VEZT: variants seen among roughly 807,000 people sequenced by gnomAD.
VEZT encodes the protein vezatin.
A neutral mutation model predicts 79.9 loss-of-function variants in VEZT; 39 were observed. That is an observed-to-expected ratio of 0.49 (90% CI 0.38 to 0.64). The LOEUF is 0.64. VEZT is among the 30% of genes least tolerant of loss of function. The pLI is 0.00. For missense variants in VEZT, 837 were observed against 893.1 expected, an observed-to-expected ratio of 0.94 and a Z score of 0.80; for synonymous variants, 325 against 327.6, an observed-to-expected ratio of 0.99 and a Z score of 0.09.
In VEZT at chr12:95,300,622, G is replaced by T; in HGVS notation, c.2289G>T (p.Glu763Asp). The T allele has an allele frequency of 6.2e-7, 1 of 1,603,236 alleles. No individual in the cohort carries two copies. Among genetic ancestry groups the T allele is most frequent in the Non-Finnish European group, 8.5e-7 (1 of 1,173,744 alleles). The part of the protein sequence containing the change: ...TTMQEQTFGG[E>D]EEEQIIEENK... ...TGCAGGAACAGACTTTTGGTGGTGA[G>T]GAGGAAGAACAAATAATAGAAGAAA... The change falls in exon 12 of 12, where the codon GAG becomes GAT. Residue 763 changes from glutamate (E) to aspartate (D), a missense_variant. Coordinates refer to ENST00000436874, the MANE Select transcript of VEZT (RefSeq NM_017599.4).
At chr12:95,237,567 A>G (rs892651058) in intron 1 of VEZT, among the ~76,000 whole-genome samples, 3 of 152,214 alleles carry the variant, frequency 2.0e-5, no homozygotes, top group Non-Finnish European at 1.5e-5. Flanking sequence ...ATCAAGGGCC[A>G]TTACCAAACA....
intron 3 of VEZT, among the ~76,000 whole-genome samples, chr12:95,261,880 G>A (rs1162337831): frequency 2.0e-5 from 3 of 152,196 alleles, no homozygotes; most frequent in Admixed American, 2.0e-4. Context: ...AGAGGAGGAT[G>A]ATAAGGTACA....
Position 95,217,864 on chromosome 12 carries a change from T to C in VEZT, c.14T>C (p.Phe5Ser). 1.3e-6 allele frequency: 2 copies of C among 1,531,504 alleles called. No homozygotes were observed. Among genetic ancestry groups the C allele is most frequent in the Non-Finnish European group, 1.7e-6 (2 of 1,144,794 alleles). 94.9% of individuals were successfully genotyped at this position (1,531,504 alleles called of 1,614,324 possible). Residue 5 changes from phenylalanine (F) to serine (S), a missense_variant, in exon 1 of 12, where the codon TTT becomes TCT. By Grantham distance (155) the Phe-to-Ser change is radical. Transcript: ENST00000436874. Reference sequence around the variant, plus strand: ...TGGCGGAGAAGGATGACACCGGAGTTTGACGAAGAGGTGGTTTTTGAGGTA... The same window carrying C: ...TGGCGGAGAAGGATGACACCGGAGTCTGACGAAGAGGTGGTTTTTGAGGTA... The part of the protein sequence containing the change: MTPE[F>S]DEEVVFENSP...
chr12:95,254,792 T>C (rs911516043), intron 2 of VEZT, among the ~76,000 whole-genome samples: 2 of 152,270 alleles, frequency 1.3e-5, no homozygotes, highest in African/African-American at 4.8e-5. Context: ...GCTGTTTTTC[T>C]ATGAGTTCTT....
In VEZT at chr12:95,226,098, TAAAA is replaced by T. The variant is rs11309269; in HGVS notation, c.36+8227_36+8230del. Among the ~76,000 whole-genome samples the T allele has an allele frequency of 1.3e-3, 174 of 137,580 alleles. 3 individuals carry two copies. The South Asian group carries it at 0.039, about 31-fold the overall frequency. 90.3% of individuals were successfully genotyped at this position (137,580 alleles called of 152,430 possible). On this transcript the variant is annotated intron_variant, in intron 1 of 11. Coordinates refer to ENST00000436874, the MANE Select transcript of VEZT (RefSeq NM_017599.4). ...GACAGATTGAGACTTTGCCTTTATTTAAAAAAAAAAAAAAAAAAGAACAGTTGAA... is the reference window on the plus strand; with the variant it reads ...GACAGATTGAGACTTTGCCTTTATTTAAAAAAAAAAAAAAGAACAGTTGAA...
chr12:95,300,436 A>G lies in VEZT; in HGVS notation c.2103A>G (p.Gln701=), dbSNP rs2075067449. The change falls in exon 12 of 12, where the codon CAA becomes CAG. Residue 701 remains glutamine, a synonymous_variant. Transcript: ENST00000436874. Reference sequence around the variant, plus strand: ...AATGTGAGAGTGAAGATGAACCACAAGCAGATGGAAGTGGTCTGACCACTG... The same window carrying G: ...AATGTGAGAGTGAAGATGAACCACAGGCAGATGGAAGTGGTCTGACCACTG... ...CYQCESEDEP[Q]ADGSGLTTAP... is the part of the protein sequence containing the mutation. 1.1e-5 allele frequency: 17 copies of G among 1,614,054 alleles called. No homozygotes were observed. Among genetic ancestry groups the G allele is most frequent in the South Asian group, 2.2e-5 (2 of 91,080 alleles).
At position 95,300,398 on chromosome 12, in the gene VEZT, A is replaced by G. The variant is rs1225510045; in HGVS notation, c.2065A>G (p.Arg689Gly). 6.2e-7 allele frequency: 1 copy of G among 1,614,020 alleles called. No individual in the cohort carries two copies. Among genetic ancestry groups the G allele is most frequent in the East Asian group, 2.2e-5 (1 of 44,890 alleles). The part of the protein sequence containing the change: ...NEVFPQGAEE[R>G]MCYQCESEDE... Reference sequence around the variant, plus strand: ...AGTCTTCCCCCAAGGAGCAGAAGAAAGAATGTGTTACCAATGTGAGAGTGA... The same window carrying G: ...AGTCTTCCCCCAAGGAGCAGAAGAAGGAATGTGTTACCAATGTGAGAGTGA... The change falls in exon 12 of 12, where the codon AGA becomes GGA. Residue 689 changes from arginine (R) to glycine (G), a missense_variant. Transcript: ENST00000436874.
intron 1 of VEZT, among the ~76,000 whole-genome samples, chr12:95,240,524 T>C (rs2060874546): frequency 6.6e-6 from 1 of 152,222 alleles, no homozygotes; most frequent in Non-Finnish European, 1.5e-5. Context: ...CAGATATTTT[T>C]AATACTGTAA....
intron 11 of VEZT, among the ~76,000 whole-genome samples, chr12:95,297,349 A>G (rs1383983046): frequency 6.6e-6 from 1 of 151,256 alleles, no homozygotes; most frequent in African/African-American, 2.4e-5. Flanking sequence ...TTCCCTCCTC[A>G]CTAGAAGTAC....
rs1388592357 is a variant in VEZT, at chr12:95,300,208, A to G, written c.1875A>G (p.Ile625Met). The change falls in exon 12 of 12, where the codon ATA (isoleucine) becomes ATG (methionine). Residue 625 changes from isoleucine to methionine, a missense_variant. Coordinates refer to ENST00000436874, the MANE Select transcript of VEZT (RefSeq NM_017599.4). ...CTCCTGTAGACCCAGTGGAACCCAT[A>G]AGTAATTCAGAACCATCAATGAATT... ...SLSPVDPVEPISNSEPSMNSD... is the reference protein window; with the variant it reads ...SLSPVDPVEPMSNSEPSMNSD... 6.4e-7 allele frequency: 1 copy of G among 1,555,632 alleles called. No homozygotes were observed. Among genetic ancestry groups the G allele is most frequent in the Non-Finnish European group, 8.7e-7 (1 of 1,149,636 alleles).
At chr12:95,298,911 T>C (rs2139960007) in intron 11 of VEZT, 1 of 153,246 alleles carries the variant, frequency 6.5e-6, no homozygotes, top group Middle Eastern at 1.2e-3. Flanking sequence ...ATGGGAAAGA[T>C]TTATCAATGA....
chr12:95,251,032 T>C (rs766773311), intron 1 of VEZT, among the ~76,000 whole-genome samples: 12 of 152,000 alleles, frequency 7.9e-5, no homozygotes, highest in Non-Finnish European at 1.8e-4. Flanking sequence ...TGTTTTGAGA[T>C]GGAGTTTTGC....
chr12:95,300,308 A>G lies in VEZT; in HGVS notation c.1975A>G (p.Ser659Gly). The change falls in exon 12 of 12, where the codon AGT becomes GGT. Residue 659 changes from serine (S) to glycine (G), a missense_variant. Ser to Gly is a moderately conservative substitution (Grantham distance 56). Coordinates refer to ENST00000436874, the MANE Select transcript of VEZT (RefSeq NM_017599.4). ...ATCCGCCACAACAGACAATGAAATA[A>G]GTAGGACTGAGTATTTATGTGAAAA... Reference protein sequence around the residue: ...NKSATTDNEISRTEYLCENSL... With the variant: ...NKSATTDNEIGRTEYLCENSL... The G allele has an allele frequency of 6.2e-7, 1 of 1,609,478 alleles. No individual in the cohort carries two copies. The highest frequency in any genetic ancestry group is 1.1e-5 in the South Asian group (1 of 89,968).
At chr12:95,288,472 G>A (rs1455218852) in intron 9 of VEZT, among the ~76,000 whole-genome samples, 1 of 151,908 alleles carries the variant, frequency 6.6e-6, no homozygotes, top group Non-Finnish European at 1.5e-5. Flanking sequence ...TCAATGTTTG[G>A]CATATCAATT....
At position 95,301,042 on chromosome 12, in the gene VEZT, G is replaced by A. The variant is rs1011805045; in HGVS notation, c.*369G>A. The A allele has an allele frequency of 6.4e-5, 10 of 156,740 alleles. No individual in the cohort carries two copies. Among genetic ancestry groups the A allele is most frequent in the Non-Finnish European group, 2.8e-5 (2 of 71,090 alleles). 9.7% of individuals were successfully genotyped at this position (156,740 alleles called of 1,614,324 possible). A position where few individuals can be genotyped will look rare whatever the true frequency, so the allele number is the denominator to read the frequency against. The stretch of plus-strand genomic sequence containing the variant: ...TTGCAAGAACATTAACATTTAGTAT[G>A]ACTCCTTTTTACTGTATTCTTGCAG... On this transcript the variant is annotated 3_prime_UTR_variant, in exon 12 of 12. Coordinates refer to ENST00000436874, the MANE Select transcript of VEZT (RefSeq NM_017599.4).
rs764903096 is a variant in VEZT at position 95,296,192 on chromosome 12, G to C, written c.1765G>C (p.Val589Leu). ...SKRVLQELKS[V>L]LGFKASEAER... ...GAGGGTGCTCCAAGAATTAAAATCT[G>C]TGCTGGGATTTAAAGCTTCAGAGGC... Residue 589 changes from valine to leucine, a missense_variant, in exon 11 of 12, where the codon GTG (valine) becomes CTG (leucine). By Grantham distance (32) the Val-to-Leu change is conservative (BLOSUM62 1). Transcript: ENST00000436874. The C allele has an allele frequency of 6.3e-7, 1 of 1,585,988 alleles. No individual in the cohort carries two copies. Among genetic ancestry groups the C allele is most frequent in the African/African-American group, 1.3e-5 (1 of 74,504 alleles).
At chr12:95,299,951 T>G (rs1283502549) in intron 11 of VEZT, 2 of 346,230 alleles carry the variant, frequency 5.8e-6, no homozygotes, top group African/African-American at 4.2e-5. Flanking sequence ...AAAACCTTCA[T>G]CAAATCCCTA....
At chr12:95,240,260 A>T (rs1566042685) in intron 1 of VEZT, among the ~76,000 whole-genome samples, 1 of 152,164 alleles carries the variant, frequency 6.6e-6, no homozygotes, top group Non-Finnish European at 1.5e-5. Flanking sequence ...GGCTAGGTTT[A>T]TTGAGATATC....
intron 1 of VEZT, among the ~76,000 whole-genome samples, chr12:95,225,567 A>C (rs1235894085): frequency 6.6e-6 from 1 of 151,586 alleles, no homozygotes; most frequent in East Asian, 1.9e-4. Context: ...AAACAAAACA[A>C]AACAAAACAA....
Sources: gnomAD v4.1 joint callset for allele counts (sites outside exome capture counted in the v4.1 genomes callset) on GRCh38, gnomAD v4.1.1 for gene constraint, MANE v1.5 for transcripts, NCBI Gene and HGNC (gene_info 2026-07-23, HGNC 2026-07-21) for gene names.